Variants in FLRT1 observed in about 807,000 individuals in gnomAD.
FLRT1 encodes leucine-rich repeat transmembrane protein FLRT1.
In FLRT1, 14 loss-of-function variants were observed where a neutral mutation model predicts 30.9. The observed-to-expected ratio is 0.45, with a 90% CI of 0.30 to 0.71. FLRT1 has a LOEUF of 0.71. Ranked by LOEUF, FLRT1 falls within the 30% of genes least tolerant of loss-of-function variation. The pLI, the probability that FLRT1 is intolerant of heterozygous loss-of-function variation, is 0.08. For synonymous variants in FLRT1, 368 were observed against 430.4 expected, an observed-to-expected ratio of 0.85 and a Z score of 1.80; for missense variants, 737 against 949.2, an observed-to-expected ratio of 0.78 and a Z score of 2.94.
At chr11:64,047,392 C>T (rs1037563829) in intron 1 of FLRT1, among the ~76,000 whole-genome samples, 3 of 152,164 alleles carry the variant, frequency 2.0e-5, no homozygotes, top group Non-Finnish European at 2.9e-5. Flanking sequence ...ACCCAGCAAT[C>T]GGAGGAGATA....
chr11:64,043,680 A>G (rs1943531415), intron 1 of FLRT1, among the ~76,000 whole-genome samples: 1 of 152,230 alleles, frequency 6.6e-6, no homozygotes, highest in African/African-American at 2.4e-5. Flanking sequence ...CATATTTCAT[A>G]GAGCACCATG....
chr11:64,116,738 C>T lies in FLRT1; in HGVS notation c.471C>T (p.His157=), dbSNP rs1348763003. 1.1e-5 allele frequency: 18 copies of T among 1,613,632 alleles called. No homozygotes were observed. The South Asian group carries it at 1.6e-4, about 15-fold the overall frequency. The change falls in exon 3 of 3, where the codon CAC becomes CAT. Residue 157 remains histidine, a synonymous_variant. Transcript: ENST00000682287. ...LARIPLLEKL[H]LDDNSVSTVS... The stretch of plus-strand genomic sequence containing the variant: ...GCATCCCGCTGCTGGAGAAGCTGCA[C>T]CTGGATGACAACTCCGTGTCCACCG...
chr11:64,100,240 C>T (rs924177876), intron 1 of FLRT1, among the ~76,000 whole-genome samples: 2 of 152,136 alleles, frequency 1.3e-5, no homozygotes, highest in Admixed American at 6.5e-5. Context: ...TGGGCAGATT[C>T]GGCCAAAACG....
At position 64,118,088 on chromosome 11, in the gene FLRT1, G is replaced by A. The variant is rs149018598; in HGVS notation, c.1821G>A (p.Lys607=). 1.2e-6 allele frequency: 2 copies of A among 1,611,902 alleles called. No individual in the cohort carries two copies. The highest frequency in any genetic ancestry group is 1.7e-5 in the Admixed American group (1 of 59,976). Residue 607 remains lysine, a synonymous_variant, in exon 3 of 3, where the codon AAG becomes AAA. Transcript: ENST00000682287. ...ACTATATGGAGTCAGGGACCAAGAA[G>A]GATAACTCCATCCTGGAAATCCGCG... ...KDDYMESGTK[K]DNSILEIRGP...
At chr11:64,094,559 C>T (rs930781024) in intron 1 of FLRT1, among the ~76,000 whole-genome samples, 3 of 152,280 alleles carry the variant, frequency 2.0e-5, no homozygotes, top group African/African-American at 4.8e-5. Context: ...GTGAAGGCCT[C>T]CTGAGTCATC....
At chr11:64,060,901 T>C (rs562766874) in intron 1 of FLRT1, among the ~76,000 whole-genome samples, 1 of 151,850 alleles carries the variant, frequency 6.6e-6, no homozygotes, top group African/African-American at 2.4e-5. Context: ...CCCCCGAGGC[T>C]CTTTGCATAT....
At position 64,073,136 on chromosome 11, in the gene FLRT1, C is replaced by T. The variant is rs112578016; in HGVS notation, c.-1037-30058C>T. Among the ~76,000 whole-genome samples the T allele has an allele frequency of 6.0e-3, 919 of 152,344 alleles. 8 individuals are homozygous for T. The highest frequency in any genetic ancestry group is 0.021 in the African/African-American group (859 of 41,582). ...TGCGGAGGGGGCCAGGGACCCCCAC[C>T]GTGGGTTTCTGAGGGCCACGGGGCA... On this transcript the variant is annotated intron_variant, in intron 1 of 2. Coordinates refer to ENST00000682287, the MANE Select transcript of FLRT1 (RefSeq NM_013280.5).
chr11:64,077,802 C>A (rs756212748), intron 1 of FLRT1, among the ~76,000 whole-genome samples: 3 of 152,220 alleles, frequency 2.0e-5, no homozygotes, highest in Admixed American at 6.5e-5. Context: ...GGCCTCCGGC[C>A]GCCGCTCGGA....
At chr11:64,086,033 C>T (rs1444652316) in intron 1 of FLRT1, among the ~76,000 whole-genome samples, 3 of 152,116 alleles carry the variant, frequency 2.0e-5, no homozygotes, top group African/African-American at 7.2e-5. Context: ...GTGGAGGTGG[C>T]CACAGCCTGT....
intron 1 of FLRT1, among the ~76,000 whole-genome samples, chr11:64,095,422 G>C (rs1944559171): frequency 6.6e-6 from 1 of 152,218 alleles, no homozygotes; most frequent in Admixed American, 6.5e-5. Flanking sequence ...ATGTTTATGG[G>C]AAGGAGGGAA....
chr11:64,042,063 C>T (rs1215631110), intron 1 of FLRT1, among the ~76,000 whole-genome samples: 3 of 152,210 alleles, frequency 2.0e-5, no homozygotes, highest in Admixed American at 6.5e-5. Context: ...TGGGCCAGGC[C>T]TGGAGCTGGC....
intron 1 of FLRT1, among the ~76,000 whole-genome samples, chr11:64,038,761 C>A (rs1943430377): frequency 6.6e-6 from 1 of 152,156 alleles, no homozygotes; most frequent in South Asian, 2.1e-4. Flanking sequence ...TATCAACCAC[C>A]TAGTCATCCC....
At chr11:64,116,070 G>T in intron 2 of FLRT1, 149 bp from the exon 3 acceptor site, 1 of 739,884 alleles carries the variant, frequency 1.4e-6, no homozygotes, top group East Asian at 2.7e-5. Context: ...CTGGCACAAA[G>T]GCCACTCCTC....
chr11:64,107,505 T>A (rs1218876191), intron 2 of FLRT1, among the ~76,000 whole-genome samples: 1 of 152,048 alleles, frequency 6.6e-6, no homozygotes, highest in African/African-American at 2.4e-5. Context: ...AGCCGGCCTA[T>A]GTGGTTAGGT....
chr11:64,079,967 T>C (rs1944274694), intron 1 of FLRT1, among the ~76,000 whole-genome samples: 2 of 152,182 alleles, frequency 1.3e-5, no homozygotes, highest in South Asian at 4.1e-4. Flanking sequence ...CTCAGCTGTG[T>C]TATTCACTTG....
intron 1 of FLRT1, among the ~76,000 whole-genome samples, chr11:64,102,307 C>G (rs755917675): frequency 6.6e-6 from 1 of 152,200 alleles, no homozygotes; most frequent in Non-Finnish European, 1.5e-5. Context: ...TCCAGAACAG[C>G]CTGCCCTGCC....
intron 1 of FLRT1, among the ~76,000 whole-genome samples, chr11:64,080,372 C>G (rs1304012041): frequency 6.6e-6 from 1 of 152,212 alleles, no homozygotes; most frequent in Non-Finnish European, 1.5e-5. Context: ...ATATAACTCA[C>G]ATACCATAAA....
At position 64,116,591 on chromosome 11, in the gene FLRT1, G is replaced by A. The variant is rs769032424; in HGVS notation, c.324G>A (p.Val108=). 6.2e-7 allele frequency: 1 copy of A among 1,614,114 alleles called. No homozygotes were observed. The change falls in exon 3 of 3, where the codon GTG becomes GTA. Residue 108 remains valine (V), a synonymous_variant. Transcript: ENST00000682287. ...IPQDLKTKVN[V]QVIYLYENDL... ...AGGACCTCAAGACCAAGGTCAACGT[G>A]CAGGTCATCTACCTATACGAGAATG... is the stretch of plus-strand genomic sequence containing the variant.
intron 1 of FLRT1, among the ~76,000 whole-genome samples, chr11:64,063,193 C>T (rs1407496932): frequency 1.3e-5 from 2 of 152,116 alleles, no homozygotes; most frequent in Non-Finnish European, 2.9e-5. Context: ...GTGCGCCCTG[C>T]TTAGGGTACA....
Sources: gnomAD v4.1 joint callset for allele counts (sites outside exome capture counted in the v4.1 genomes callset) on GRCh38, gnomAD v4.1.1 for gene constraint, MANE v1.5 for transcripts, NCBI Gene and HGNC (gene_info 2026-07-23, HGNC 2026-07-21) for gene names.